The following RIPOR2 variants were observed in gnomAD, a reference collection of about 807,000 sequenced individuals.
The protein encoded by RIPOR2 is rho family-interacting cell polarization regulator 2.
Under a neutral mutation model 114.5 loss-of-function variants are expected in RIPOR2, and 39 were observed. The observed-to-expected ratio is 0.34, with a 90% CI of 0.26 to 0.44. RIPOR2 has a LOEUF of 0.44. Ranked by LOEUF, RIPOR2 falls within the 20% of genes least tolerant of loss-of-function variation. RIPOR2 has a pLI of 1.00. For missense variants in RIPOR2, 1,007 were observed against 1,255.1 expected (o/e 0.80, Z 2.99); for synonymous variants, 445 against 484.4 (o/e 0.92, Z 1.07).
chr6:24,964,494 A>G (rs1269468219), intron 1 of RIPOR2, among the ~76,000 whole-genome samples: 2 of 152,120 alleles, frequency 1.3e-5, no homozygotes, highest in Non-Finnish European at 2.9e-5. Flanking sequence ...ATTGCTGAGT[A>G]TATTGTATGG....
chr6:25,000,247 G>A (rs1194847569), intron 1 of RIPOR2, among the ~76,000 whole-genome samples: 2 of 152,146 alleles, frequency 1.3e-5, no homozygotes, highest in African/African-American at 4.8e-5. Flanking sequence ...GACCAATGAA[G>A]GTGTCAGGAA....
chr6:24,920,298 T>C (rs1770382620), intron 1 of RIPOR2, among the ~76,000 whole-genome samples: 2 of 152,202 alleles, frequency 1.3e-5, no homozygotes, highest in African/African-American at 4.8e-5. Context: ...GGGCAAGAAA[T>C]GCAAGCATGT....
intron 1 of RIPOR2, chr6:25,015,903 T>TTTG (rs1775963475): frequency 1.1e-5 from 1 of 89,824 alleles, no homozygotes; most frequent in Admixed American, 1.3e-4. Context: ...TTGGTTTTTT[T>TTTG]TTTTTTTTTT....
At chr6:24,934,334 G>A (rs1281373640) in intron 1 of RIPOR2, among the ~76,000 whole-genome samples, 6 of 152,162 alleles carry the variant, frequency 3.9e-5, no homozygotes, top group Admixed American at 6.5e-5. Context: ...TGGCCTAAAC[G>A]CCTGCCATCA....
At chr6:24,881,127 C>CCTACTGTAAT (rs1766314401) in intron 1 of RIPOR2, among the ~76,000 whole-genome samples, 1 of 152,056 alleles carries the variant, frequency 6.6e-6, no homozygotes, top group African/African-American at 2.4e-5. Flanking sequence ...GCCTGTAATC[C>CCTACTGTAAT]CAGCTACTCG....
At chr6:24,944,067 A>G (rs1772284948) in intron 1 of RIPOR2, among the ~76,000 whole-genome samples, 1 of 152,222 alleles carries the variant, frequency 6.6e-6, no homozygotes, top group Non-Finnish European at 1.5e-5. Context: ...AGATGCCCAT[A>G]GGAGACTTTG....
intron 1 of RIPOR2, among the ~76,000 whole-genome samples, chr6:24,966,846 T>C (rs371665707): frequency 7.2e-5 from 11 of 152,242 alleles, no homozygotes; most frequent in African/African-American, 2.2e-4. Context: ...TTTATGCTAT[T>C]ATCCTTCGAA....
chr6:24,866,757 A>C (rs539243635), intron 6 of RIPOR2, among the ~76,000 whole-genome samples: 7 of 152,210 alleles, frequency 4.6e-5, no homozygotes, highest in Non-Finnish European at 1.0e-4. Flanking sequence ...GCGGATAACA[A>C]ACAACAATAC....
chr6:24,819,860 T>C (rs1031006979), intron 19 of RIPOR2, among the ~76,000 whole-genome samples: 2 of 151,940 alleles, frequency 1.3e-5, no homozygotes, highest in African/African-American at 4.8e-5. Context: ...TGTGTAGTAC[T>C]TAACATTAAT....
intron 9 of RIPOR2, among the ~76,000 whole-genome samples, chr6:24,851,057 G>A (rs1175577177): frequency 2.0e-5 from 3 of 151,984 alleles, no homozygotes; most frequent in Non-Finnish European, 4.4e-5. Flanking sequence ...CACCATGCCC[G>A]GCTAATTTCT....
chr6:24,876,288 CT>C (rs1765750000), intron 1 of RIPOR2, among the ~76,000 whole-genome samples: 1 of 150,934 alleles, frequency 6.6e-6, no homozygotes, highest in Admixed American at 6.6e-5. Context: ...AAAACTCTGT[CT>C]AAAAAAAAAG....
At chr6:24,830,321 A>C (rs907967678) in intron 17 of RIPOR2, among the ~76,000 whole-genome samples, 188 bp downstream of exon 17, 1 of 152,100 alleles carries the variant, frequency 6.6e-6, no homozygotes, top group Non-Finnish European at 1.5e-5. Flanking sequence ...ACAGTTCAAC[A>C]CTTTCTTTTC....
intron 1 of RIPOR2, among the ~76,000 whole-genome samples, chr6:24,967,492 G>A (rs778227758): frequency 1.3e-5 from 2 of 152,048 alleles, no homozygotes; most frequent in Admixed American, 1.3e-4. Flanking sequence ...AGCTGGCAAG[G>A]GTGATCAAGA....
chr6:24,889,127 G>A (rs139746000), intron 1 of RIPOR2, among the ~76,000 whole-genome samples: 1 of 152,272 alleles, frequency 6.6e-6, no homozygotes, highest in East Asian at 1.9e-4. Flanking sequence ...GCTCCTAGGG[G>A]CTTAAAAGGG....
chr6:24,853,927 G>A (rs1461789071), intron 8 of RIPOR2, among the ~76,000 whole-genome samples: 5 of 151,932 alleles, frequency 3.3e-5, no homozygotes, highest in African/African-American at 1.2e-4. Context: ...ACAAGCCTGG[G>A]CAACATAGTG....
chr6:24,870,121 T>C (rs1765017802), intron 5 of RIPOR2, among the ~76,000 whole-genome samples: 1 of 152,238 alleles, frequency 6.6e-6, no homozygotes, highest in Admixed American at 6.5e-5. Flanking sequence ...TTGATAACTA[T>C]AAAATGCAAA....
At chr6:24,911,371 G>A (rs1005755929) in intron 1 of RIPOR2, among the ~76,000 whole-genome samples, 1 of 152,098 alleles carries the variant, frequency 6.6e-6, no homozygotes, top group African/African-American at 2.4e-5. Flanking sequence ...GGAGGGAGAG[G>A]GCAGAGGAAA....
intron 1 of RIPOR2, among the ~76,000 whole-genome samples, chr6:24,987,394 C>T (rs6933429): frequency 0.061 from 9,211 of 152,224 alleles, 898 homozygotes; most frequent in African/African-American, 0.2. Flanking sequence ...GGTTTAATGA[C>T]ATATGACTGA....
At chr6:24,875,581 G>T (rs1323963392) in intron 2 of RIPOR2, 110 bp downstream of exon 2, 2 of 932,570 alleles carry the variant, frequency 2.1e-6, no homozygotes, top group Non-Finnish European at 3.2e-6. Context: ...AAATGGGGAG[G>T]AGGCCGGGGG....
Sources: gnomAD v4.1 joint callset for allele counts (sites outside exome capture counted in the v4.1 genomes callset) on GRCh38, gnomAD v4.1.1 for gene constraint, MANE v1.5 for transcripts, NCBI Gene and HGNC (gene_info 2026-07-23, HGNC 2026-07-21) for gene names.